The following KCNA2 variants were observed in gnomAD, a reference collection of about 807,000 sequenced individuals.
KCNA2 encodes the protein potassium voltage-gated channel subfamily A member 2.
KCNA2 carries 11 observed loss-of-function variants against 33.4 expected under a neutral mutation model. The ratio of observed to expected loss-of-function variants is 0.33; its 90% CI spans 0.21 to 0.55. The LOEUF (loss-of-function observed/expected upper bound fraction) is 0.55, where lower values mean the gene tolerates loss of function less well. Among genes scored for constraint, KCNA2 ranks in the 20% least tolerant of loss-of-function variants. The pLI is 0.93. For synonymous variants in KCNA2, 222 were observed against 231.3 expected (o/e 0.96, Z 0.37); for missense variants, 291 against 621.6 (o/e 0.47, Z 5.66).
rs903542072 is a variant in KCNA2, at chr1:110,604,885, C to T, written c.-103G>A. On this transcript the variant is annotated 5_prime_UTR_variant, in exon 3 of 3. Transcript: ENST00000316361. The surrounding 1 kb of genome is among the most constrained non-coding windows in gnomAD (Gnocchi z 7.6). The stretch of plus-strand genomic sequence containing the variant: ...CCCCAGGAAGCACAGGAGCATTGGC[C>T]TGGTCTCCTGCAGGAGAGCCCCGAG... 103 of 1,117,956 alleles carry T rather than the reference C, an allele frequency of 9.2e-5. No homozygotes were observed. Among genetic ancestry groups the T allele is most frequent in the Non-Finnish European group, 1.2e-4 (92 of 771,904 alleles). 69.3% of individuals were successfully genotyped at this position (1,117,956 alleles called of 1,614,324 possible). A position where few individuals can be genotyped will look rare whatever the true frequency, so the allele number is the denominator to read the frequency against.
At chr1:110,623,459 T>C (rs1469727209) in intron 1 of KCNA2, among the ~76,000 whole-genome samples, 2 of 152,200 alleles carry the variant, frequency 1.3e-5, no homozygotes, top group Non-Finnish European at 2.9e-5. Context: ...AACAAATTGA[T>C]AAATTAAACC....
In KCNA2 at chr1:110,594,447, G is replaced by C; in HGVS notation, c.*8836C>G. 1 of 985,336 alleles carries C rather than the reference G, an allele frequency of 1.0e-6. No individual in the cohort carries two copies. The highest frequency in any genetic ancestry group is 1.2e-6 in the Non-Finnish European group (1 of 829,954). The allele number at this position is 985,336 out of a possible 1,614,324, so 61.0% of individuals were successfully genotyped here. On this transcript the variant is annotated 3_prime_UTR_variant, in exon 3 of 3. Transcript: ENST00000316361. ...GCATCCTCCACTCATGAGCTTTACA[G>C]CTATGTCCCTGATGAAAACTAGAGA...
Position 110,599,873 on chromosome 1 carries a change from G to C in KCNA2, c.*3410C>G. 1.0e-6 allele frequency: 1 copy of C among 985,390 alleles called. No homozygotes were observed. The highest frequency in any genetic ancestry group is 1.2e-6 in the Non-Finnish European group (1 of 829,950). The allele number at this position is 985,390 out of a possible 1,614,324, so 61.0% of individuals were successfully genotyped here. A position where few individuals can be genotyped will look rare whatever the true frequency, so the allele number is the denominator to read the frequency against. On this transcript the variant is annotated 3_prime_UTR_variant, in exon 3 of 3. Coordinates refer to ENST00000316361, the MANE Select transcript of KCNA2 (RefSeq NM_004974.4). ...GTCATGGCAAGGAGGCCTATATTAG[G>C]CTACCAGCTGTCCCAGGTACTTTCA...
At chr1:110,621,118 G>A (rs1650246878) in intron 1 of KCNA2, among the ~76,000 whole-genome samples, 1 of 152,212 alleles carries the variant, frequency 6.6e-6, no homozygotes, top group African/African-American at 2.4e-5. Context: ...GGATTCCTGG[G>A]TGCGGATACT....
intron 1 of KCNA2, among the ~76,000 whole-genome samples, chr1:110,619,259 G>C (rs1356171594): frequency 2.0e-5 from 3 of 152,100 alleles, no homozygotes; most frequent in South Asian, 4.1e-4. Flanking sequence ...TTCCTTTATG[G>C]GGCCTCTGCT....
intron 1 of KCNA2, among the ~76,000 whole-genome samples, chr1:110,614,830 C>G (rs1041143218): frequency 6.6e-6 from 1 of 152,210 alleles, no homozygotes; most frequent in Non-Finnish European, 1.5e-5. Flanking sequence ...CTCAAGGTTG[C>G]ATGGCTCTAG....
At chr1:110,608,816 C>T (rs952878034), upstream of KCNA2, among the ~76,000 whole-genome samples, 4 of 152,206 alleles carry the variant, frequency 2.6e-5, no homozygotes, top group African/African-American at 9.7e-5. Flanking sequence ...GTGCCCTCCT[C>T]TGAAAAATCA....
rs763912060 is a variant in KCNA2 at position 110,601,828 on chromosome 1, G to GTGTGTGTGTGTA, written c.*1454_*1455insTACACACACACA. ...TGTGTGTGTGTGTGTGTGTGTGTGT[G>GTGTGTGTGTGTA]TATACATATACACACATATGTATGT... On this transcript the variant is annotated 3_prime_UTR_variant, in exon 3 of 3. Transcript: ENST00000316361. 1.7e-3 allele frequency: 2,101 copies of GTGTGTGTGTGTA among 1,242,092 alleles called. 8 individuals carry two copies. In the East Asian group the frequency reaches 0.025, roughly 15 times the overall value. The allele number at this position is 1,242,092 out of a possible 1,614,324, so 76.9% of individuals were successfully genotyped here. A position where few individuals can be genotyped will look rare whatever the true frequency, so the allele number is the denominator to read the frequency against.
At chr1:110,606,678 G>A (rs551871052), upstream of KCNA2, 663 of 152,406 alleles carry the variant, frequency 4.4e-3, 6 homozygotes, top group Non-Finnish European at 6.0e-3. Flanking sequence ...GCGTCCAGCC[G>A]AGGGACCGCC....
chr1:110,594,380 C>A lies in KCNA2; in HGVS notation c.*8903G>T. Reference sequence around the variant, plus strand: ...CACAATATAAAGTCTCCAGAGGCAGCCTATATAAGCACATAAGCACACAGG... The same window carrying A: ...CACAATATAAAGTCTCCAGAGGCAGACTATATAAGCACATAAGCACACAGG... On this transcript the variant is annotated 3_prime_UTR_variant, in exon 3 of 3. Coordinates refer to ENST00000316361, the MANE Select transcript of KCNA2 (RefSeq NM_004974.4). The A allele has an allele frequency of 1.0e-6, 1 of 983,942 alleles. No homozygotes were observed. Among genetic ancestry groups the A allele is most frequent in the Non-Finnish European group, 1.2e-6 (1 of 829,752 alleles). 61.0% of individuals were successfully genotyped at this position (983,942 alleles called of 1,614,324 possible). A position where few individuals can be genotyped will look rare whatever the true frequency, so the allele number is the denominator to read the frequency against.
In KCNA2 at chr1:110,598,653, G is replaced by A. The variant is rs1457489144; in HGVS notation, c.*4630C>T. 1.1e-5 allele frequency: 11 copies of A among 984,952 alleles called. No homozygotes were observed. In the South Asian group the frequency reaches 1.4e-4, roughly 13 times the overall value. 61.0% of individuals were successfully genotyped at this position (984,952 alleles called of 1,614,324 possible). On this transcript the variant is annotated 3_prime_UTR_variant, in exon 3 of 3. Coordinates refer to ENST00000316361, the MANE Select transcript of KCNA2 (RefSeq NM_004974.4). Reference sequence around the variant, plus strand: ...GGAGCCCTTTCCATACTAGGCTAACGCAATCTAGAGGCACACTCCCGTGGG... The same window carrying A: ...GGAGCCCTTTCCATACTAGGCTAACACAATCTAGAGGCACACTCCCGTGGG...
rs965267090 is a variant in KCNA2, at chr1:110,601,730, A to G, written c.*1553T>C. 3.1e-5 allele frequency: 36 copies of G among 1,171,628 alleles called. No individual in the cohort carries two copies. Among genetic ancestry groups the G allele is most frequent in the Admixed American group, 8.9e-5 (2 of 22,534 alleles). The allele number at this position is 1,171,628 out of a possible 1,614,324, so 72.6% of individuals were successfully genotyped here. A position where few individuals can be genotyped will look rare whatever the true frequency, so the allele number is the denominator to read the frequency against. ...ACCCATTAGGCCTCTTAGACAGCCA[A>G]CCCACCAAGCAGTGGATTTGCTCCT... On this transcript the variant is annotated 3_prime_UTR_variant, in exon 3 of 3. Transcript: ENST00000316361.
Position 110,594,775 on chromosome 1 carries a change from C to T in KCNA2, c.*8508G>A. ...TGAGACTCACCCCCGCCAAAGCCAG[C>T]CAGGCCTCTCTTCTTGCTTTTCTAT... On this transcript the variant is annotated 3_prime_UTR_variant, in exon 3 of 3. Transcript: ENST00000316361. The T allele has an allele frequency of 1.0e-6, 1 of 985,556 alleles. No individual in the cohort carries two copies. Among genetic ancestry groups the T allele is most frequent in the Non-Finnish European group, 1.2e-6 (1 of 830,030 alleles). The allele number at this position is 985,556 out of a possible 1,614,324, so 61.1% of individuals were successfully genotyped here.
rs1649122916 is a variant in KCNA2 at position 110,596,973 on chromosome 1, T to C, written c.*6310A>G. 1.0e-6 allele frequency: 1 copy of C among 985,330 alleles called. No homozygotes were observed. The highest frequency in any genetic ancestry group is 1.2e-6 in the Non-Finnish European group (1 of 829,952). 61.0% of individuals were successfully genotyped at this position (985,330 alleles called of 1,614,324 possible). A position where few individuals can be genotyped will look rare whatever the true frequency, so the allele number is the denominator to read the frequency against. ...TGAAGCCCCTGGCTATGTGTGCAAATATTTGTGCAGCTGCACACTCTAGCG... is the reference window on the plus strand; with the variant it reads ...TGAAGCCCCTGGCTATGTGTGCAAACATTTGTGCAGCTGCACACTCTAGCG... On this transcript the variant is annotated 3_prime_UTR_variant, in exon 3 of 3. Transcript: ENST00000316361.
intron 1 of KCNA2, among the ~76,000 whole-genome samples, chr1:110,620,297 C>T (rs1162595626): frequency 6.6e-6 from 1 of 152,162 alleles, no homozygotes; most frequent in African/African-American, 2.4e-5. Context: ...CCTCACTCTT[C>T]TTGGGTGCAC....
At chr1:110,623,697 C>T (rs1464892506) in intron 1 of KCNA2, among the ~76,000 whole-genome samples, 4 of 152,144 alleles carry the variant, frequency 2.6e-5, no homozygotes, top group Admixed American at 6.6e-5. Context: ...ACCTGGCCCT[C>T]TCTGCTCTTC....
At position 110,604,378 on chromosome 1, in the gene KCNA2, C is replaced by A; in HGVS notation, c.405G>T (p.Glu135Asp). 1 of 1,614,160 alleles carries A rather than the reference C, an allele frequency of 6.2e-7. No individual in the cohort carries two copies. The highest frequency in any genetic ancestry group is 1.1e-5 in the South Asian group (1 of 91,080). The part of the protein sequence containing the change: ...MFREDEGYIK[E>D]EERPLPENEF... The stretch of plus-strand genomic sequence containing the variant: ...CATTTTCAGGCAGAGGACGCTCTTC[C>A]TCCTTGATGTAGCCTTCATCTTCCC... Residue 135 changes from glutamate (E) to aspartate (D), a missense_variant, in exon 3 of 3, where the codon GAG becomes GAT. Around this residue, in one of 5 missense-constraint regions of KCNA2, gnomAD observed 163 missense variants for 273.5 expected, o/e 0.60. Coordinates refer to ENST00000316361, the MANE Select transcript of KCNA2 (RefSeq NM_004974.4). This position sits in a 1 kb window ranked among gnomAD's most constrained non-coding sequence, Gnocchi z 7.6.
chr1:110,613,782 T>A (rs192421937), intron 1 of KCNA2, among the ~76,000 whole-genome samples: 3 of 152,250 alleles, frequency 2.0e-5, no homozygotes, highest in East Asian at 3.9e-4. Flanking sequence ...ACCCAGCCAG[T>A]CCAGGCAAGA....
intron 1 of KCNA2, among the ~76,000 whole-genome samples, chr1:110,615,059 A>G (rs1288903730): frequency 6.6e-6 from 1 of 152,236 alleles, no homozygotes; most frequent in Admixed American, 6.5e-5. Flanking sequence ...TACAAAGGGA[A>G]CACAGGGAAT....
Sources: allele counts gnomAD v4.1 joint callset (sites outside exome capture counted in the v4.1 genomes callset), GRCh38; gene constraint gnomAD v4.1.1; regional missense constraint gnomAD v4.1.1; non-coding constraint Gnocchi (gnomAD v3.1); transcripts MANE v1.5; gene names NCBI Gene and HGNC (gene_info 2026-07-23, HGNC 2026-07-21).